SETD3: variants seen among roughly 807,000 people sequenced by gnomAD.
The protein encoded by SETD3 is actin-histidine N-methyltransferase.
A neutral mutation model predicts 63.0 loss-of-function variants in SETD3; 19 were observed. The observed-to-expected ratio is 0.30, with a 90% CI of 0.21 to 0.44. The LOEUF is 0.44. SETD3 is among the 20% of genes least tolerant of loss of function. SETD3 has a pLI of 1.00. For missense variants in SETD3, 587 were observed against 728.5 expected, an observed-to-expected ratio of 0.81 and a Z score of 2.24; for synonymous variants, 286 against 264.1, an observed-to-expected ratio of 1.08 and a Z score of -0.80.
At chr14:99,439,976 A>T (rs899391565) in intron 6 of SETD3, among the ~76,000 whole-genome samples, 3 of 150,618 alleles carry the variant, frequency 2.0e-5, no homozygotes, top group Non-Finnish European at 4.4e-5. Context: ...TTTTTTTTTT[A>T]GAGACAGGGT....
chr14:99,398,134 CACCTT>C lies in SETD3; in HGVS notation c.*540_*544del, dbSNP rs1267435621. 2.0e-5 allele frequency: 3 copies of C among 152,250 alleles called. No individual in the cohort carries two copies. The highest frequency in any genetic ancestry group is 6.5e-5 in the Admixed American group (1 of 15,274). 9.4% of individuals were successfully genotyped at this position (152,250 alleles called of 1,614,324 possible). A position where few individuals can be genotyped will look rare whatever the true frequency, so the allele number is the denominator to read the frequency against. On this transcript the variant is annotated 3_prime_UTR_variant, in exon 13 of 13. Transcript: ENST00000331768. Reference sequence around the variant, plus strand: ...TTCAAACTATTAAAAATAAGGTTGCCACCTTACCTTTTCTTTTGGTAATGGGGTGT... The same window carrying C: ...TTCAAACTATTAAAAATAAGGTTGCCACCTTTTCTTTTGGTAATGGGGTGT...
At chr14:99,482,431 A>G (rs950341082), upstream of SETD3, among the ~76,000 whole-genome samples, 1 of 152,254 alleles carries the variant, frequency 6.6e-6, no homozygotes, top group Non-Finnish European at 1.5e-5. Flanking sequence ...GTATTGCTGA[A>G]TGAAAGAATG....
chr14:99,458,587 T>G (rs1161042806), intron 5 of SETD3, 52 bp from the exon 6 acceptor site: 13 of 1,568,046 alleles, frequency 8.3e-6, no homozygotes, highest in Middle Eastern at 1.7e-4. Flanking sequence ...TCTTAAAAAC[T>G]TCATTTAAAT....
intron 6 of SETD3, chr14:99,444,548 G>C (rs918607543): frequency 3.3e-5 from 5 of 152,162 alleles, no homozygotes; most frequent in African/African-American, 4.8e-5. Flanking sequence ...CATCTGCTCT[G>C]ATCTTATACA....
At chr14:99,458,634 G>A in intron 5 of SETD3, 99 bp from the exon 6 acceptor site, 1 of 1,411,538 alleles carries the variant, frequency 7.1e-7, no homozygotes, top group Non-Finnish European at 9.4e-7. Flanking sequence ...AAAAGGTCTT[G>A]TAACATTTAA....
intron 1 of SETD3, among the ~76,000 whole-genome samples, chr14:99,469,453 A>C (rs1895574667): frequency 6.6e-6 from 1 of 152,258 alleles, no homozygotes; most frequent in East Asian, 1.9e-4. Flanking sequence ...ATAAAATACA[A>C]ACTGCATAGG....
At chr14:99,467,273 T>C (rs888032362) in intron 1 of SETD3, among the ~76,000 whole-genome samples, 1 of 152,228 alleles carries the variant, frequency 6.6e-6, no homozygotes, top group South Asian at 2.1e-4. Flanking sequence ...CATAAAACTT[T>C]TGCAGCAATA....
At chr14:99,411,675 T>C (rs1196754613) in intron 8 of SETD3, 1 of 152,196 alleles carries the variant, frequency 6.6e-6, no homozygotes, top group Non-Finnish European at 1.5e-5. Context: ...TAAAAGCTAT[T>C]TGAAGATTTC....
chr14:99,427,942 T>C (rs753940509), intron 6 of SETD3, among the ~76,000 whole-genome samples: 2 of 152,138 alleles, frequency 1.3e-5, no homozygotes, highest in Non-Finnish European at 2.9e-5. Context: ...GGATTTTCCA[T>C]GTGGGAAGGG....
chr14:99,430,628 C>A (rs1427653416), intron 6 of SETD3, among the ~76,000 whole-genome samples: 1 of 152,164 alleles, frequency 6.6e-6, no homozygotes, highest in Non-Finnish European at 1.5e-5. Context: ...GAACTGTAGC[C>A]AGGAAGGGAG....
chr14:99,422,731 A>C (rs986642444), intron 6 of SETD3, among the ~76,000 whole-genome samples: 28 of 152,210 alleles, frequency 1.8e-4, no homozygotes, highest in African/African-American at 6.5e-4. Flanking sequence ...CCAGGAGTTT[A>C]CTTAGGTAAA....
intron 8 of SETD3, chr14:99,410,334 A>T: frequency 2.2e-6 from 3 of 1,367,946 alleles, no homozygotes; most frequent in Non-Finnish European, 3.0e-6. Context: ...AGACTGTAAG[A>T]CTCATCTAAA....
At chr14:99,401,877 C>T (rs904445389) in intron 11 of SETD3, among the ~76,000 whole-genome samples, 2 of 152,152 alleles carry the variant, frequency 1.3e-5, no homozygotes, top group African/African-American at 2.4e-5. Context: ...CTCTCCGCTA[C>T]TTTTTAAAAG....
chr14:99,442,115 C>A (rs2895789), intron 6 of SETD3, among the ~76,000 whole-genome samples: 3,742 of 152,252 alleles, frequency 0.025, 217 homozygotes, highest in East Asian at 0.2. Context: ...CTGAGCACAC[C>A]GGCTCCGCAT....
At chr14:99,434,970 C>T (rs1333234977) in intron 6 of SETD3, among the ~76,000 whole-genome samples, 1 of 150,906 alleles carries the variant, frequency 6.6e-6, no homozygotes, top group Non-Finnish European at 1.5e-5. Flanking sequence ...CCCAAACTGG[C>T]TCATCTTTGC....
rs1891229330 is a variant in SETD3 at position 99,398,963 on chromosome 14, T to C, written c.1501A>G (p.Lys501Glu). The change falls in exon 13 of 13, where the codon AAA becomes GAA. Residue 501 changes from lysine to glutamate, a missense_variant. Coordinates refer to ENST00000331768, the MANE Select transcript of SETD3 (RefSeq NM_032233.3). Reference protein sequence around the residue: ...QQMEEKAPLPKYEESNLGLLE... With the variant: ...QQMEEKAPLPEYEESNLGLLE... ...AGCCCAAGGTTACTCTCTTCATATT[T>C]GGGAAGCGGAGCCTTTTCCTCCATC... 6.2e-7 allele frequency: 1 copy of C among 1,614,136 alleles called. No homozygotes were observed. Among genetic ancestry groups the C allele is most frequent in the Non-Finnish European group, 8.5e-7 (1 of 1,179,996 alleles).
intron 6 of SETD3, among the ~76,000 whole-genome samples, chr14:99,419,372 T>A (rs1892453228): frequency 6.6e-6 from 1 of 152,198 alleles, no homozygotes; most frequent in African/African-American, 2.4e-5. Context: ...ATTTATAAAA[T>A]TATGATGGAA....
rs1051888134 is a variant in SETD3 at position 99,398,543 on chromosome 14, C to A, written c.*136G>T. On this transcript the variant is annotated 3_prime_UTR_variant, in exon 13 of 13. Coordinates refer to ENST00000331768, the MANE Select transcript of SETD3 (RefSeq NM_032233.3). ...AGATTTTTAAAATAACTTAAAAAAA[C>A]CATTTTTATATAAAGCAGCAAAAAC... 1.5e-5 allele frequency: 13 copies of A among 863,164 alleles called. No individual in the cohort carries two copies. Among genetic ancestry groups the A allele is most frequent in the East Asian group, 1.0e-4 (4 of 38,472 alleles). The allele number at this position is 863,164 out of a possible 1,614,324, so 53.5% of individuals were successfully genotyped here. A position where few individuals can be genotyped will look rare whatever the true frequency, so the allele number is the denominator to read the frequency against.
chr14:99,476,866 T>C (rs1011609529), intron 1 of SETD3, among the ~76,000 whole-genome samples: 4 of 152,218 alleles, frequency 2.6e-5, no homozygotes, highest in East Asian at 1.9e-4. Context: ...AAGAGTTCTA[T>C]GTATCATATA....
Sources: gnomAD v4.1 joint callset for allele counts (sites outside exome capture counted in the v4.1 genomes callset) on GRCh38, gnomAD v4.1.1 for gene constraint, MANE v1.5 for transcripts, NCBI Gene and HGNC (gene_info 2026-07-23, HGNC 2026-07-21) for gene names.